EDA: variants seen among roughly 807,000 people sequenced by gnomAD.
The protein encoded by EDA is ectodysplasin-A.
A neutral mutation model predicts 23.6 loss-of-function variants in EDA; 2 were observed. The observed-to-expected ratio is 0.08, with a 90% CI of 0.03 to 0.27. The LOEUF (loss-of-function observed/expected upper bound fraction) is 0.27. Ranked by LOEUF, EDA falls within the 10% of genes least tolerant of loss-of-function variation. The probability of loss-of-function intolerance (pLI) is 1.00; values close to 1 mark genes in which losing one functional copy is unlikely to be tolerated. For synonymous variants in EDA, 131 were observed against 132.0 expected (o/e 0.99, Z 0.05); for missense variants, 229 against 324.2 (o/e 0.71, Z 2.26).
intron 1 of EDA, among the ~76,000 whole-genome samples, chrX:69,838,484 G>A (rs1368755763): frequency 6.3e-5 from 7 of 111,642 alleles, no homozygotes; most frequent in South Asian, 7.6e-4. Context: ...AAAATTAGCC[G>A]GGCGTGGTGG....
At chrX:69,933,826 AT>A (rs1284378447) in intron 1 of EDA, among the ~76,000 whole-genome samples, 5 of 112,033 alleles carry the variant, frequency 4.5e-5, no homozygotes, top group East Asian at 2.8e-4. Context: ...TCTTTGCAAT[AT>A]TAAAATGTCA....
intron 1 of EDA, chrX:69,937,759 C>G: frequency 8.4e-7 from 1 of 1,196,425 alleles, no homozygotes; most frequent in Admixed American, 2.2e-5. Context: ...GGAGGGTATT[C>G]TCCTTGCTCA....
chrX:69,616,205 C>A lies in EDA; in HGVS notation c.-104C>A, dbSNP rs1374739497. On this transcript the variant is annotated 5_prime_UTR_variant, in exon 1 of 8. Transcript: ENST00000374552. Reference sequence around the variant, plus strand: ...GTCGCGCAGGAACGGGTCCCTGCAGCCCCCAGCCGATGGCAGGACAGTAGC... The same window carrying A: ...GTCGCGCAGGAACGGGTCCCTGCAGACCCCAGCCGATGGCAGGACAGTAGC... 9 of 1,002,481 alleles carry A rather than the reference C, an allele frequency of 9.0e-6. No individual in the cohort carries two copies. The highest frequency in any genetic ancestry group is 1.9e-5 in the African/African-American group (1 of 53,024). 82.6% of individuals were successfully genotyped at this position (1,002,481 alleles called of 1,213,427 possible).
chrX:69,828,665 C>G (rs781694993), intron 1 of EDA, among the ~76,000 whole-genome samples: 3 of 112,385 alleles, frequency 2.7e-5, no homozygotes, highest in African/African-American at 9.7e-5. Context: ...CTTTCTTCTG[C>G]GTCGCTCACG....
intron 1 of EDA, among the ~76,000 whole-genome samples, chrX:69,738,072 T>C (rs1413171421): frequency 9.0e-6 from 1 of 111,644 alleles, no homozygotes. Flanking sequence ...TTGTTTGAGG[T>C]TTGTTGACTT....
At chrX:69,830,618 A>G (rs2016586027) in intron 1 of EDA, among the ~76,000 whole-genome samples, 1 of 112,483 alleles carries the variant, frequency 8.9e-6, no homozygotes, top group Non-Finnish European at 1.9e-5. Context: ...TAATAACATA[A>G]GTTACCACTC....
intron 1 of EDA, among the ~76,000 whole-genome samples, chrX:69,828,755 A>T (rs1358494315): frequency 8.9e-6 from 1 of 112,674 alleles, no homozygotes; most frequent in Non-Finnish European, 1.9e-5. Flanking sequence ...GATAGGAAAC[A>T]CATTGAATAG....
chrX:69,796,008 G>A (rs2015534222), intron 1 of EDA, among the ~76,000 whole-genome samples: 1 of 111,686 alleles, frequency 9.0e-6, no homozygotes, highest in African/African-American at 3.3e-5. Context: ...CACCTGCATA[G>A]CACTTACCAG....
intron 1 of EDA, among the ~76,000 whole-genome samples, chrX:69,863,581 G>GTA (rs1485084165): frequency 8.8e-5 from 5 of 56,579 alleles, no homozygotes; most frequent in East Asian, 8.3e-4. Context: ...ATATGTGTGT[G>GTA]TATATATACA....
chrX:69,690,652 G>A (rs1205103172), intron 1 of EDA, among the ~76,000 whole-genome samples: 1 of 111,644 alleles, frequency 9.0e-6, no homozygotes, highest in Non-Finnish European at 1.9e-5. Flanking sequence ...GTCATAGAAT[G>A]AGTTGAGAAG....
At chrX:69,763,264 T>C (rs146763486) in intron 1 of EDA, among the ~76,000 whole-genome samples, 1,319 of 112,351 alleles carry the variant, frequency 0.012, 15 homozygotes, top group African/African-American at 0.041. Context: ...CATGTGACCA[T>C]GTCAGTATAT....
At chrX:69,678,363 T>C (rs1478560135) in intron 1 of EDA, among the ~76,000 whole-genome samples, 1 of 111,586 alleles carries the variant, frequency 9.0e-6, no homozygotes, top group Non-Finnish European at 1.9e-5. Context: ...GTGAAGAAAG[T>C]CATTGGTAGC....
At chrX:69,941,092 G>A (rs1028043875) in intron 1 of EDA, among the ~76,000 whole-genome samples, 6 of 111,333 alleles carry the variant, frequency 5.4e-5, no homozygotes, top group Admixed American at 2.9e-4. Flanking sequence ...AAAATTCCTC[G>A]TTATTGATTT....
At chrX:69,749,913 A>G (rs1165899837) in intron 1 of EDA, among the ~76,000 whole-genome samples, 5 of 76,022 alleles carry the variant, frequency 6.6e-5, no homozygotes, top group Non-Finnish European at 9.7e-5. Context: ...ACTTCCTCTC[A>G]CTAAGGTTCT....
intron 1 of EDA, among the ~76,000 whole-genome samples, chrX:69,797,013 C>T (rs1260495751): frequency 9.1e-6 from 1 of 110,063 alleles, no homozygotes; most frequent in Non-Finnish European, 1.9e-5. Context: ...TTTGAAATAA[C>T]CCAATCAGAC....
At chrX:69,863,688 T>C (rs1160113462) in intron 1 of EDA, among the ~76,000 whole-genome samples, 4 of 106,904 alleles carry the variant, frequency 3.7e-5, no homozygotes, top group African/African-American at 1.4e-4. Flanking sequence ...TATGTGCATC[T>C]ACAGGTGTAT....
chrX:70,024,433 G>C (rs781118228), intron 3 of EDA, among the ~76,000 whole-genome samples: 10 of 111,980 alleles, frequency 8.9e-5, no homozygotes, highest in African/African-American at 3.2e-4. Flanking sequence ...TTCCCTGTGG[G>C]GCCTGGGCAC....
chrX:69,751,625 C>T (rs2013872602), intron 1 of EDA, among the ~76,000 whole-genome samples: 1 of 111,796 alleles, frequency 8.9e-6, no homozygotes, highest in Admixed American at 9.4e-5. Context: ...ACAGTATGGC[C>T]ATTTTCACGA....
At chrX:69,776,411 T>C (rs1475086213) in intron 1 of EDA, among the ~76,000 whole-genome samples, 1 of 111,089 alleles carries the variant, frequency 9.0e-6, no homozygotes, top group Non-Finnish European at 1.9e-5. Context: ...AGTGAATAAG[T>C]CTCAAGAGAT....
Sources: gnomAD v4.1 joint callset for allele counts (sites outside exome capture counted in the v4.1 genomes callset) on GRCh38, gnomAD v4.1.1 for gene constraint, MANE v1.5 for transcripts, NCBI Gene and HGNC (gene_info 2026-07-23, HGNC 2026-07-21) for gene names.